ZFX: variants seen among roughly 807,000 people sequenced by gnomAD.
ZFX encodes the protein zinc finger X-chromosomal protein.
For missense variants in ZFX, 362 were observed against 628.3 expected (o/e 0.58, Z 4.53); for synonymous variants, 196 against 226.8 (o/e 0.86, Z 1.22).
rs780444148 is a variant in ZFX at position 24,179,543 on chromosome X, A to G, written c.419A>G (p.His140Arg). The G allele has an allele frequency of 1.5e-5, 18 of 1,212,130 alleles. No homozygotes were observed. In the Middle Eastern group the frequency reaches 2.3e-3, roughly 155 times the overall value. Residue 140 changes from histidine to arginine, a missense_variant, in exon 5 of 10, where the codon CAT becomes CGT. His to Arg is a conservative substitution (Grantham distance 29). Transcript: ENST00000304543. Reference sequence around the variant, plus strand: ...CACGTCTTGACGGGTGATTCTATACATGTGTCTGACGTTGGACATGTTGGA... The same window carrying G: ...CACGTCTTGACGGGTGATTCTATACGTGTGTCTGACGTTGGACATGTTGGA... The part of the protein sequence containing the change: ...PEHVLTGDSI[H>R]VSDVGHVGHV...
chrX:24,201,870 G>GT, intron 5 of ZFX, among the ~76,000 whole-genome samples: 1 of 112,271 alleles, frequency 8.9e-6, no homozygotes, highest in Non-Finnish European at 1.9e-5. Flanking sequence ...ACCTGTAGTT[G>GT]TTTTCTAACT....
At chrX:24,191,786 A>T (rs1355389442) in intron 5 of ZFX, among the ~76,000 whole-genome samples, 2 of 108,627 alleles carry the variant, frequency 1.8e-5, no homozygotes, top group Non-Finnish European at 3.8e-5. Flanking sequence ...TGCAACCTCC[A>T]TCTCCTGGGT....
intron 4 of ZFX, among the ~76,000 whole-genome samples, chrX:24,178,271 G>A (rs1008564009): frequency 2.9e-5 from 3 of 105,228 alleles, no homozygotes; most frequent in Non-Finnish European, 3.9e-5. Context: ...GTACCTATGT[G>A]TATGGTTTTC....
At chrX:24,163,289 G>T (rs1271228507) in intron 3 of ZFX, among the ~76,000 whole-genome samples, 2 of 86,748 alleles carry the variant, frequency 2.3e-5, no homozygotes, top group Non-Finnish European at 4.4e-5. Context: ...TTACATGACG[G>T]ATCATATTTG....
At chrX:24,193,042 A>G (rs1339991339) in intron 5 of ZFX, among the ~76,000 whole-genome samples, 1 of 110,965 alleles carries the variant, frequency 9.0e-6, no homozygotes, top group Admixed American at 9.7e-5. Context: ...CTTCCATGTT[A>G]TGCCCTTCTA....
At chrX:24,153,663 C>G (rs1430333731) in intron 3 of ZFX, among the ~76,000 whole-genome samples, 1 of 111,563 alleles carries the variant, frequency 9.0e-6, no homozygotes, top group Non-Finnish European at 1.9e-5. Flanking sequence ...TCTGTGCCTT[C>G]TCTGTCTTCT....
chrX:24,158,165 T>C (rs1932903486), intron 3 of ZFX, among the ~76,000 whole-genome samples: 1 of 111,783 alleles, frequency 8.9e-6, no homozygotes, highest in Non-Finnish European at 1.9e-5. Flanking sequence ...AAGAAAATAC[T>C]GTATCAGTTT....
chrX:24,198,785 A>T (rs906001522), intron 5 of ZFX, among the ~76,000 whole-genome samples: 3 of 111,385 alleles, frequency 2.7e-5, no homozygotes, highest in African/African-American at 9.8e-5. Flanking sequence ...AAGTATGGTC[A>T]GGGTTTTGCT....
Position 24,212,141 on chromosome X carries a change from C to CACTT in ZFX, c.*769_*772dup, listed in dbSNP as rs912292522. 2 of 112,325 alleles carry CACTT rather than the reference C, an allele frequency of 1.8e-5. No individual in the cohort carries two copies. The highest frequency in any genetic ancestry group is 3.8e-5 in the Non-Finnish European group (2 of 53,274). The allele number at this position is 112,325 out of a possible 1,213,427, so 9.3% of individuals were successfully genotyped here. ...TGGAATGGTTGTGTGCTACAAATGA[C>CACTT]ACTTACTGAGGACTGCATTTTGGAA... is the stretch of plus-strand genomic sequence containing the variant. On this transcript the variant is annotated 3_prime_UTR_variant, in exon 10 of 10. Transcript: ENST00000304543.
chrX:24,180,163 C>T (rs892216883), intron 5 of ZFX, among the ~76,000 whole-genome samples: 5 of 109,118 alleles, frequency 4.6e-5, no homozygotes, highest in South Asian at 4.0e-4. Context: ...ACCCGGGAGC[C>T]GGAGGTTGCA....
At chrX:24,208,750 T>C (rs1445247175) in intron 8 of ZFX, 150 bp from the exon 9 acceptor site, 4 of 622,452 alleles carry the variant, frequency 6.4e-6, no homozygotes, top group Non-Finnish European at 9.7e-6. Flanking sequence ...CGATAATAAA[T>C]GTGCTCATAA....
At chrX:24,155,137 T>TA (rs1046944504) in intron 3 of ZFX, among the ~76,000 whole-genome samples, 6 of 110,785 alleles carry the variant, frequency 5.4e-5, no homozygotes, top group Non-Finnish European at 7.5e-5. Context: ...ATAAGAGTTT[T>TA]AAAAAAATCT....
chrX:24,206,500 CGTGTGTGTGTGTGTGTGT>C (rs774457469), intron 5 of ZFX, among the ~76,000 whole-genome samples: 1,419 of 59,586 alleles, frequency 0.024, 49 homozygotes, highest in African/African-American at 0.092. Context: ...CCATGCCTGG[CGTGTGTGTGTGTGTGTGT>C]GTGTGTGTGT....
At chrX:24,198,483 G>GTTTTTTT (rs5901749) in intron 5 of ZFX, among the ~76,000 whole-genome samples, 1 of 87,352 alleles carries the variant, frequency 1.1e-5, no homozygotes, top group Non-Finnish European at 2.3e-5. Context: ...ACCTGGCTTT[G>GTTTTTTT]TTTTTTTTTT....
chrX:24,196,426 T>C (rs1403067625), intron 5 of ZFX, among the ~76,000 whole-genome samples: 1 of 112,264 alleles, frequency 8.9e-6, no homozygotes, highest in Admixed American at 9.4e-5. Flanking sequence ...CCATGTATGT[T>C]CTATAACCAT....
chrX:24,160,818 A>G (rs1201510154), intron 3 of ZFX, among the ~76,000 whole-genome samples: 1 of 111,575 alleles, frequency 9.0e-6, no homozygotes, highest in African/African-American at 3.3e-5. Context: ...TATTCCCCCT[A>G]TTTAGCTATA....
intron 4 of ZFX, among the ~76,000 whole-genome samples, chrX:24,178,222 G>T: frequency 9.1e-6 from 1 of 110,071 alleles, no homozygotes; most frequent in South Asian, 3.9e-4. Context: ...GAGCCACTGC[G>T]CCCGGCCTAC....
intron 3 of ZFX, among the ~76,000 whole-genome samples, chrX:24,169,229 C>T (rs1569133323): frequency 9.0e-6 from 1 of 111,542 alleles, no homozygotes. Flanking sequence ...ATGAGATGAG[C>T]GGGCACCCCC....
chrX:24,163,672 C>G (rs1206028432), intron 3 of ZFX, among the ~76,000 whole-genome samples: 6 of 105,978 alleles, frequency 5.7e-5, no homozygotes, highest in African/African-American at 2.1e-4. Context: ...GTCACCATGC[C>G]CGGCCGCCTA....
Sources: allele counts gnomAD v4.1 joint callset (sites outside exome capture counted in the v4.1 genomes callset), GRCh38; gene constraint gnomAD v4.1.1; transcripts MANE v1.5; gene names NCBI Gene and HGNC (gene_info 2026-07-23, HGNC 2026-07-21).